CACNA1E: variants seen among roughly 807,000 people sequenced by gnomAD.
CACNA1E encodes the protein calcium voltage-gated channel subunit alpha1 E, also known as voltage-dependent R-type calcium channel subunit alpha-1E.
Under a neutral mutation model 259.2 loss-of-function variants are expected in CACNA1E, and 40 were observed. The observed-to-expected ratio is 0.15, with a 90% confidence interval of 0.12 to 0.20. The LOEUF (loss-of-function observed/expected upper bound fraction) is 0.20, where lower values mean the gene tolerates loss of function less well. Among genes scored for constraint, CACNA1E ranks in the 10% least tolerant of loss-of-function variants. The pLI is 1.00. For synonymous variants in CACNA1E, 1,104 were observed against 1,138.5 expected (o/e 0.97, Z 0.61); for missense variants, 1,874 against 3,040.1 (o/e 0.62, Z 9.02).
chr1:181,340,388 A>G lies in CACNA1E; in HGVS notation c.-15+22265A>G, dbSNP rs368449368. Among the ~76,000 whole-genome samples, 3 of 152,040 alleles carry G rather than the reference A, an allele frequency of 2.0e-5. No individual in the cohort carries two copies. In the South Asian group the frequency reaches 6.2e-4, roughly 32 times the overall value. Reference sequence around the variant, plus strand: ...TATGTTGTATGGCTAGTCATTTTTGATACATTTCTTTTTTGAATTTTTTGG... The same window carrying G: ...TATGTTGTATGGCTAGTCATTTTTGGTACATTTCTTTTTTGAATTTTTTGG... On this transcript the variant is annotated intron_variant, in intron 1 of 11. Coordinates refer to the CACNA1E transcript ENST00000524607.
intron 1 of CACNA1E, among the ~76,000 whole-genome samples, chr1:181,410,571 G>C (rs1342558572): frequency 6.6e-6 from 1 of 152,190 alleles, no homozygotes; most frequent in African/African-American, 2.4e-5. Flanking sequence ...TATGCGCTAA[G>C]ATCATCCTCT....
chr1:181,781,038 T>C (rs1018909159), intron 38 of CACNA1E, among the ~76,000 whole-genome samples: 9 of 152,054 alleles, frequency 5.9e-5, no homozygotes, highest in South Asian at 2.1e-4. Flanking sequence ...CTGTGTTGTA[T>C]TGGGGAGGGA....
intron 1 of CACNA1E, among the ~76,000 whole-genome samples, chr1:181,331,079 A>C (rs1469997091): frequency 6.6e-6 from 1 of 152,102 alleles, no homozygotes; most frequent in Non-Finnish European, 1.5e-5. Flanking sequence ...AGCCCAATAA[A>C]AGTAGATTAA....
In CACNA1E at chr1:181,795,021, C is replaced by T; in HGVS notation, c.6185C>T (p.Ala2062Val). The T allele has an allele frequency of 6.2e-7, 1 of 1,613,838 alleles. No individual in the cohort carries two copies. Among genetic ancestry groups the T allele is most frequent in the Non-Finnish European group, 8.5e-7 (1 of 1,179,800 alleles). The change falls in exon 46 of 48, where the codon GCC (alanine) becomes GTC (valine). Residue 2062 changes from alanine to valine, a missense_variant. Coordinates refer to ENST00000367573, the MANE Select transcript of CACNA1E (RefSeq NM_001205293.3). The stretch of plus-strand genomic sequence containing the variant: ...TACCACTCCTCCTTGCGGCTGTCAG[C>T]CCACCGCCTGAACTCTGATTCAGGT... Reference protein sequence around the residue: ...RSYHSSLRLSAHRLNSDSGHK... With the variant: ...RSYHSSLRLSVHRLNSDSGHK...
At chr1:181,372,826 ATATT>A (rs1320605484) in intron 1 of CACNA1E, among the ~76,000 whole-genome samples, 1 of 77,604 alleles carries the variant, frequency 1.3e-5, no homozygotes, top group African/African-American at 4.5e-5. Context: ...ATATATATAT[ATATT>A]TTTTTTTTAA....
chr1:181,614,163 C>G (rs184051268), intron 6 of CACNA1E, among the ~76,000 whole-genome samples: 1 of 152,174 alleles, frequency 6.6e-6, no homozygotes, highest in African/African-American at 2.4e-5. Context: ...GTTTTTGTAC[C>G]TGCTGACGTA....
chr1:181,629,665 A>G (rs1656518777), intron 6 of CACNA1E, among the ~76,000 whole-genome samples: 1 of 152,118 alleles, frequency 6.6e-6, no homozygotes, highest in African/African-American at 2.4e-5. Context: ...AAGTATATAT[A>G]AAGAGCCTCT....
In CACNA1E at chr1:181,776,255, C is replaced by T. The variant is rs368099780; in HGVS notation, c.5267+27C>T. ...TGCGTAGGCCCCTCGGCCGCCCCAG[C>T]GGGGCCCAGAGCAAAGGTCTCTGGA... On this transcript the variant is annotated intron_variant, in intron 38 of 47. Transcript: ENST00000367573. The surrounding 1 kb of genome is among the most constrained non-coding windows in gnomAD (Gnocchi z 4.4). The T allele has an allele frequency of 4.0e-5, 64 of 1,612,332 alleles. No individual in the cohort carries two copies. The highest frequency in any genetic ancestry group is 1.6e-4 in the Middle Eastern group (1 of 6,076).
intron 6 of CACNA1E, among the ~76,000 whole-genome samples, chr1:181,588,085 A>G: frequency 6.6e-6 from 1 of 152,198 alleles, no homozygotes; most frequent in Admixed American, 6.5e-5. Flanking sequence ...GCACATGTGC[A>G]GAGTAAGCTG....
At chr1:181,360,085 A>G (rs1043147242) in intron 1 of CACNA1E, among the ~76,000 whole-genome samples, 2 of 152,098 alleles carry the variant, frequency 1.3e-5, no homozygotes, top group Non-Finnish European at 2.9e-5. Flanking sequence ...CTTCCATGAC[A>G]CCTCGGGCCA....
chr1:181,448,084 C>T (rs1571896969), intron 2 of CACNA1E, among the ~76,000 whole-genome samples: 1 of 152,204 alleles, frequency 6.6e-6, no homozygotes, highest in Middle Eastern at 3.2e-3. Context: ...GACCTCAATG[C>T]CATCTGCAGT....
At chr1:181,762,937 G>A (rs1010976942) in intron 33 of CACNA1E, among the ~76,000 whole-genome samples, 1 of 152,188 alleles carries the variant, frequency 6.6e-6, no homozygotes, top group African/African-American at 2.4e-5. Flanking sequence ...AGTATGCATA[G>A]CGTTGCACTA....
chr1:181,717,022 C>G, intron 10 of CACNA1E, 71 bp from the exon 11 acceptor site: 1 of 1,324,120 alleles, frequency 7.6e-7, no homozygotes, highest in Non-Finnish European at 1.1e-6. Flanking sequence ...CCCATCTTGC[C>G]CTTCGAATGC....
chr1:181,742,526 C>T (rs1053322904), intron 25 of CACNA1E, among the ~76,000 whole-genome samples: 2 of 152,164 alleles, frequency 1.3e-5, no homozygotes, highest in Non-Finnish European at 1.5e-5. Context: ...TCTGTGAAGC[C>T]TATTGCTTAA....
At chr1:181,713,362 A>T (rs1653578528) in intron 8 of CACNA1E, among the ~76,000 whole-genome samples, 1 of 152,224 alleles carries the variant, frequency 6.6e-6, no homozygotes, top group South Asian at 2.1e-4. Context: ...AACACGTGCT[A>T]TAAAATGACT....
intron 1 of CACNA1E, among the ~76,000 whole-genome samples, chr1:181,359,476 C>T (rs1405624481): frequency 1.3e-5 from 2 of 152,174 alleles, no homozygotes; most frequent in Non-Finnish European, 2.9e-5. Flanking sequence ...GCTTAGCAAG[C>T]AGTCCAGTGT....
rs116053265 is a variant in CACNA1E, at chr1:181,636,008, T to C, written c.952-15330T>C. On this transcript the variant is annotated intron_variant, in intron 6 of 47. Coordinates refer to ENST00000367573, the MANE Select transcript of CACNA1E (RefSeq NM_001205293.3). Reference sequence around the variant, plus strand: ...CTGCAAATAATAAGAGATTTAAAAGTATACAACCAACTCCTTGCTCATGGC... The same window carrying C: ...CTGCAAATAATAAGAGATTTAAAAGCATACAACCAACTCCTTGCTCATGGC... Among the ~76,000 whole-genome samples, 388 of 152,324 alleles carry C rather than the reference T, an allele frequency of 2.5e-3. 3 individuals are homozygous for C. The highest frequency in any genetic ancestry group is 8.8e-3 in the African/African-American group (367 of 41,574).
intron 2 of CACNA1E, among the ~76,000 whole-genome samples, chr1:181,469,968 G>C (rs1662385497): frequency 6.6e-6 from 1 of 152,086 alleles, no homozygotes; most frequent in Non-Finnish European, 1.5e-5. Flanking sequence ...AGGGTGAGGA[G>C]GGAGGGGGAG....
chr1:181,678,426 A>G (rs987611027), intron 7 of CACNA1E, among the ~76,000 whole-genome samples: 1 of 152,230 alleles, frequency 6.6e-6, no homozygotes, highest in Non-Finnish European at 1.5e-5. Context: ...AATGGGCTAT[A>G]TATAATAACA....
Sources: gnomAD v4.1 joint callset for allele counts (sites outside exome capture counted in the v4.1 genomes callset) on GRCh38, gnomAD v4.1.1 for gene constraint, Gnocchi (gnomAD v3.1) non-coding constraint, MANE v1.5 for transcripts, NCBI Gene and HGNC (gene_info 2026-07-23, HGNC 2026-07-21) for gene names.